CRYBG1: variants seen among roughly 807,000 people sequenced by gnomAD.
CRYBG1 encodes crystallin beta-gamma domain containing 1.
A neutral mutation model predicts 189.2 loss-of-function variants in CRYBG1; 139 were observed. That is an observed-to-expected ratio of 0.73 (90% confidence interval 0.64 to 0.85). The LOEUF is 0.85. CRYBG1 is among the 40% of genes least tolerant of loss of function. The probability of loss-of-function intolerance (pLI) is 0.00; values close to 1 mark genes in which losing one functional copy is unlikely to be tolerated. For synonymous variants in CRYBG1, 1,023 were observed against 1,017.1 expected, an observed-to-expected ratio of 1.01 and a Z score of -0.11; for missense variants, 2,611 against 2,675.8, an observed-to-expected ratio of 0.98 and a Z score of 0.53.
At chr6:106,541,235 A>C in intron 9 of CRYBG1, 1 of 494,288 alleles carries the variant, frequency 2.0e-6, no homozygotes, top group South Asian at 1.5e-5. Flanking sequence ...AGCCGAAGAC[A>C]GTGGCCTGGG....
At chr6:106,448,532 A>G (rs1771714121) in intron 1 of CRYBG1, among the ~76,000 whole-genome samples, 1 of 152,104 alleles carries the variant, frequency 6.6e-6, no homozygotes, top group South Asian at 2.1e-4. Flanking sequence ...TTATCCCCCA[A>G]ATCAGGAGAG....
Position 106,530,294 on chromosome 6 carries a change from C to T in CRYBG1, c.4697C>T (p.Ser1566Phe), listed in dbSNP as rs775398090. ...TTTGGTGTAATGCAGAAGACTTGTT[C>T]CATGAAAGTACATTGGGGCACGTAA... ...QGFGVMQKTC[S>F]MKVHWGTWLI... Residue 1566 changes from serine (S) to phenylalanine (F), a missense_variant, in exon 8 of 22, where the codon TCC (serine) becomes TTC (phenylalanine). By Grantham distance (155) the Ser-to-Phe change is radical. This residue lies in a region of CRYBG1 where 1,622 missense variants were observed against 1,735.0 expected (regional missense o/e 0.93). Coordinates refer to ENST00000633556, the MANE Select transcript of CRYBG1 (RefSeq NM_001371242.2). The T allele has an allele frequency of 4.4e-6, 7 of 1,606,618 alleles. No homozygotes were observed. In the South Asian group the frequency reaches 6.7e-5, roughly 15 times the overall value.
chr6:106,487,784 T>G (rs1772624935), intron 2 of CRYBG1, among the ~76,000 whole-genome samples: 1 of 152,204 alleles, frequency 6.6e-6, no homozygotes, highest in Non-Finnish European at 1.5e-5. Context: ...TCATTTTGAA[T>G]TCTTTTTCAG....
chr6:106,454,136 A>G (rs562242263), intron 2 of CRYBG1, among the ~76,000 whole-genome samples: 1 of 152,114 alleles, frequency 6.6e-6, no homozygotes, highest in East Asian at 1.9e-4. Flanking sequence ...CTCTCTCCCC[A>G]TCTCCATCAT....
intron 2 of CRYBG1, among the ~76,000 whole-genome samples, chr6:106,478,575 A>G (rs1772381938): frequency 6.6e-6 from 1 of 152,206 alleles, no homozygotes; most frequent in Admixed American, 6.5e-5. Flanking sequence ...TATACAACAC[A>G]TGTAAGTGCC....
chr6:106,378,053 T>A (rs1770206094), intron 1 of CRYBG1, among the ~76,000 whole-genome samples: 1 of 152,172 alleles, frequency 6.6e-6, no homozygotes. Flanking sequence ...AGTGGCTCCC[T>A]TGAAGCCATG....
intron 2 of CRYBG1, among the ~76,000 whole-genome samples, chr6:106,498,413 T>A (rs943731192): frequency 6.6e-6 from 1 of 152,120 alleles, no homozygotes; most frequent in Admixed American, 6.5e-5. Flanking sequence ...AACGCCATAA[T>A]CCCGAATGGG....
At chr6:106,449,876 C>T (rs1771742820) in intron 1 of CRYBG1, among the ~76,000 whole-genome samples, 1 of 152,122 alleles carries the variant, frequency 6.6e-6, no homozygotes, top group Admixed American at 6.5e-5. Flanking sequence ...AAATATATTG[C>T]TGCTAATGTA....
chr6:106,454,148 C>G (rs1030002189), intron 2 of CRYBG1, among the ~76,000 whole-genome samples: 1 of 152,146 alleles, frequency 6.6e-6, no homozygotes, highest in African/African-American at 2.4e-5. Flanking sequence ...CTCCATCATC[C>G]CTTCTCCCCT....
In CRYBG1 at chr6:106,571,239, A is replaced by G. The variant is rs896888931; in HGVS notation, c.*2673A>G. ...GCAGATTTTTATATATGACACTAAG[A>G]GATTTAGAACTTTAAGAGCTGTGGT... On this transcript the variant is annotated 3_prime_UTR_variant, in exon 22 of 22. Transcript: ENST00000633556. 4 of 152,236 alleles carry G rather than the reference A, an allele frequency of 2.6e-5. No homozygotes were observed. The highest frequency in any genetic ancestry group is 9.6e-5 in the African/African-American group (4 of 41,456). The allele number at this position is 152,236 out of a possible 1,614,324, so 9.4% of individuals were successfully genotyped here. A position where few individuals can be genotyped will look rare whatever the true frequency, so the allele number is the denominator to read the frequency against.
At chr6:106,487,471 G>A (rs935558206) in intron 2 of CRYBG1, among the ~76,000 whole-genome samples, 1 of 152,060 alleles carries the variant, frequency 6.6e-6, no homozygotes, top group Non-Finnish European at 1.5e-5. Flanking sequence ...TGGTCTACTG[G>A]TGATGAGTTC....
intron 21 of CRYBG1, among the ~76,000 whole-genome samples, chr6:106,567,121 C>T (rs1488884101): frequency 3.3e-5 from 5 of 152,086 alleles, no homozygotes; most frequent in South Asian, 2.1e-4. Context: ...AGATACTTTA[C>T]TTTTAAAATA....
In CRYBG1 at chr6:106,451,837, T is replaced by C. The variant is rs1426186181; in HGVS notation, c.312+5T>C. 2 of 1,533,600 alleles carry C rather than the reference T, an allele frequency of 1.3e-6. No individual in the cohort carries two copies. Among genetic ancestry groups the C allele is most frequent in the South Asian group, 2.4e-5 (2 of 83,828 alleles). The allele number at this position is 1,533,600 out of a possible 1,614,324, so 95.0% of individuals were successfully genotyped here. ...GAGTCTGGAATATTTAAAAAGGTAATGCTTCATTTCTAATGTTTGACTCCC... is the reference window on the plus strand; with the variant it reads ...GAGTCTGGAATATTTAAAAAGGTAACGCTTCATTTCTAATGTTTGACTCCC... On this transcript the variant is annotated splice_donor_5th_base_variant and intron_variant, in intron 2 of 21. Transcript: ENST00000633556.
At chr6:106,400,930 C>G (rs1156338258) in intron 1 of CRYBG1, among the ~76,000 whole-genome samples, 1 of 152,102 alleles carries the variant, frequency 6.6e-6, no homozygotes, top group Non-Finnish European at 1.5e-5. Context: ...AGCAATGTGA[C>G]CAGAGCAATG....
At chr6:106,404,939 G>C (rs144232951) in intron 1 of CRYBG1, among the ~76,000 whole-genome samples, 1,940 of 151,866 alleles carry the variant, frequency 0.013, 38 homozygotes, top group African/African-American at 0.044. Flanking sequence ...TGGGTTTCAA[G>C]CACAAAACTG....
In CRYBG1 at chr6:106,571,744, A is replaced by G. The variant is rs1775066569; in HGVS notation, c.*3178A>G. The G allele has an allele frequency of 2.3e-6, 1 of 433,378 alleles. No individual in the cohort carries two copies. The highest frequency in any genetic ancestry group is 4.2e-6 in the Non-Finnish European group (1 of 240,500). 26.8% of individuals were successfully genotyped at this position (433,378 alleles called of 1,614,324 possible). ...AAGCTAGTAAAACAGAAGGTGCCACAACAACCTGCAAAGCCAGTGTGAAGG... is the reference window on the plus strand; with the variant it reads ...AAGCTAGTAAAACAGAAGGTGCCACGACAACCTGCAAAGCCAGTGTGAAGG... On this transcript the variant is annotated 3_prime_UTR_variant, in exon 22 of 22. Transcript: ENST00000633556.
intron 2 of CRYBG1, among the ~76,000 whole-genome samples, chr6:106,496,447 C>A (rs1477191273): frequency 6.6e-6 from 1 of 152,176 alleles, no homozygotes; most frequent in Non-Finnish European, 1.5e-5. Flanking sequence ...TCTTCATCTT[C>A]CCCTAGAAAT....
intron 2 of CRYBG1, among the ~76,000 whole-genome samples, chr6:106,495,362 C>T (rs141582041): frequency 1.3e-5 from 2 of 152,134 alleles, no homozygotes; most frequent in African/African-American, 4.8e-5. Flanking sequence ...CATTTTACTT[C>T]CCATATTCTC....
chr6:106,398,364 A>G (rs1046071967), intron 1 of CRYBG1, among the ~76,000 whole-genome samples: 1 of 152,188 alleles, frequency 6.6e-6, no homozygotes, highest in Admixed American at 6.5e-5. Flanking sequence ...AGATCGCTTC[A>G]GCCTGGGAGG....
Sources: gnomAD v4.1 joint callset for allele counts (sites outside exome capture counted in the v4.1 genomes callset) on GRCh38, gnomAD v4.1.1 for gene constraint, gnomAD v4.1.1 regional missense constraint, MANE v1.5 for transcripts, NCBI Gene and HGNC (gene_info 2026-07-23, HGNC 2026-07-21) for gene names.